The following LYPD6 variants were observed in gnomAD, a reference collection of about 807,000 sequenced individuals.
The protein encoded by LYPD6 is LY6/PLAUR domain containing 6.
In LYPD6, 15 loss-of-function variants were observed where a neutral mutation model predicts 22.7. The ratio of observed to expected loss-of-function variants is 0.66; its 90% CI spans 0.44 to 1.02. The LOEUF (loss-of-function observed/expected upper bound fraction) is 1.02. Among genes scored for constraint, LYPD6 ranks in the 50% least tolerant of loss-of-function variants. The probability of loss-of-function intolerance (pLI) is 0.00; values close to 1 mark genes in which losing one functional copy is unlikely to be tolerated. For synonymous variants in LYPD6, 72 were observed against 77.5 expected (o/e 0.93, Z 0.37); for missense variants, 189 against 208.4 (o/e 0.91, Z 0.57).
chr2:149,332,643 C>T (rs1407424433), intron 1 of LYPD6, among the ~76,000 whole-genome samples: 1 of 152,160 alleles, frequency 6.6e-6, no homozygotes, highest in Non-Finnish European at 1.5e-5. Flanking sequence ...TCTTTCCTAC[C>T]TCACCCGTTC....
At chr2:149,484,553 C>CA in the LYPD6 span, among the ~76,000 whole-genome samples, 1 of 151,712 alleles carries the variant, frequency 6.6e-6, no homozygotes, top group Non-Finnish European at 1.5e-5. Context: ...CCATAGCTAC[C>CA]CCCGTAGTCC....
intron 3 of LYPD6, among the ~76,000 whole-genome samples, chr2:149,453,562 A>G (rs531211190): frequency 2.2e-4 from 34 of 152,340 alleles, no homozygotes; most frequent in African/African-American, 7.5e-4. Flanking sequence ...TCCAGCTTCT[A>G]TGCTCTTCAC....
chr2:149,396,389 C>T (rs1284792217), intron 1 of LYPD6, among the ~76,000 whole-genome samples: 3 of 152,038 alleles, frequency 2.0e-5, no homozygotes, highest in East Asian at 1.9e-4. Context: ...CTGCCTGCAG[C>T]CCTGCTTCTT....
At chr2:149,340,982 A>G (rs554106569) in intron 1 of LYPD6, among the ~76,000 whole-genome samples, 97 of 146,782 alleles carry the variant, frequency 6.6e-4, no homozygotes, top group African/African-American at 2.3e-3. Context: ...AAAAAAATTC[A>G]CTTTCAAGTG....
intron 1 of LYPD6, among the ~76,000 whole-genome samples, chr2:149,404,967 C>A (rs1291725484): frequency 1.3e-5 from 2 of 152,052 alleles, no homozygotes; most frequent in African/African-American, 2.4e-5. Context: ...TTGTCAAAGG[C>A]CTTTTCTGCA....
chr2:149,455,621 G>A (rs1680940935), intron 3 of LYPD6, among the ~76,000 whole-genome samples: 1 of 152,118 alleles, frequency 6.6e-6, no homozygotes, highest in Non-Finnish European at 1.5e-5. Context: ...TACACTGAGA[G>A]CATCTAACCT....
intron 1 of LYPD6, among the ~76,000 whole-genome samples, chr2:149,362,775 C>T (rs1293741540): frequency 6.6e-6 from 1 of 152,162 alleles, no homozygotes; most frequent in Non-Finnish European, 1.5e-5. Context: ...AAATAACCCA[C>T]TCCCAAGATA....
intron 1 of LYPD6, among the ~76,000 whole-genome samples, chr2:149,390,963 C>T (rs1305736309): frequency 5.3e-5 from 8 of 152,144 alleles, no homozygotes; most frequent in Admixed American, 5.2e-4. Context: ...TTGGTATCCC[C>T]ATTTTATAGA....
At chr2:149,377,936 A>G (rs1681966755) in intron 1 of LYPD6, among the ~76,000 whole-genome samples, 1 of 151,870 alleles carries the variant, frequency 6.6e-6, no homozygotes, top group Non-Finnish European at 1.5e-5. Context: ...TACCATCTCC[A>G]ATGTGCCTGG....
chr2:149,414,098 A>T (rs1041379386), intron 1 of LYPD6, among the ~76,000 whole-genome samples: 1 of 152,222 alleles, frequency 6.6e-6, no homozygotes, highest in African/African-American at 2.4e-5. Context: ...TGTAATTAGA[A>T]ATAGGACTTG....
At chr2:149,459,931 G>A (rs1681050267) in intron 3 of LYPD6, among the ~76,000 whole-genome samples, 2 of 151,532 alleles carry the variant, frequency 1.3e-5, no homozygotes, top group South Asian at 2.1e-4. Flanking sequence ...TTACAAACAA[G>A]TGAAGGTATT....
At chr2:149,454,001 C>T (rs540010555) in intron 3 of LYPD6, among the ~76,000 whole-genome samples, 4 of 152,318 alleles carry the variant, frequency 2.6e-5, no homozygotes, top group African/African-American at 4.8e-5. Context: ...GCCCTTGACA[C>T]TTTCCTTTCT....
intron 1 of LYPD6, among the ~76,000 whole-genome samples, chr2:149,432,678 C>T (rs557194773): frequency 4.6e-5 from 7 of 152,332 alleles, no homozygotes; most frequent in African/African-American, 1.7e-4. Flanking sequence ...CCTATGAGCA[C>T]GTTGCCTCCT....
intron 1 of LYPD6, among the ~76,000 whole-genome samples, chr2:149,391,494 G>A (rs2105098624): frequency 6.6e-6 from 1 of 151,966 alleles, no homozygotes; most frequent in South Asian, 2.1e-4. Context: ...TGTTACTGGA[G>A]CTGTGTGATC....
At chr2:149,428,480 C>T (rs1683233149) in intron 1 of LYPD6, among the ~76,000 whole-genome samples, 1 of 152,190 alleles carries the variant, frequency 6.6e-6, no homozygotes, top group South Asian at 2.1e-4. Flanking sequence ...CTTCCTCCTC[C>T]ATGATGGGAG....
intron 1 of LYPD6, among the ~76,000 whole-genome samples, chr2:149,363,003 C>T (rs950850318): frequency 6.6e-6 from 1 of 152,112 alleles, no homozygotes; most frequent in African/African-American, 2.4e-5. Context: ...GTTAGAAAGT[C>T]CTTCTTAAGT....
At chr2:149,420,730 ACAGG>A (rs1225087714) in intron 1 of LYPD6, among the ~76,000 whole-genome samples, 9 of 152,178 alleles carry the variant, frequency 5.9e-5, no homozygotes, top group Non-Finnish European at 1.2e-4. Context: ...CGGAAGACCC[ACAGG>A]CAGGATAGAG....
At chr2:149,361,482 G>A (rs541403955) in intron 1 of LYPD6, among the ~76,000 whole-genome samples, 4 of 152,300 alleles carry the variant, frequency 2.6e-5, no homozygotes, top group South Asian at 2.1e-4. Flanking sequence ...TTGGGATGGC[G>A]TATTCTGGTC....
chr2:149,437,572 G>A, intron 1 of LYPD6, 66 bp from the exon 2 acceptor site: 1 of 1,411,848 alleles, frequency 7.1e-7, no homozygotes, highest in Non-Finnish European at 9.6e-7. Context: ...CAGCATGGGA[G>A]CTCAGCCAAG....
Sources: gnomAD v4.1 joint callset for allele counts (sites outside exome capture counted in the v4.1 genomes callset) on GRCh38, gnomAD v4.1.1 for gene constraint, MANE v1.5 for transcripts, NCBI Gene and HGNC (gene_info 2026-07-23, HGNC 2026-07-21) for gene names.